The following WASF1 variants were observed in gnomAD, a reference collection of about 807,000 sequenced individuals.
WASF1 encodes WASP family member 1, also known as actin-binding protein WASF1.
Under a neutral mutation model 50.5 loss-of-function variants are expected in WASF1, and 7 were observed. The observed-to-expected ratio is 0.14, with a 90% CI of 0.08 to 0.26. The LOEUF (loss-of-function observed/expected upper bound fraction) is 0.26. Among genes scored for constraint, WASF1 ranks in the 10% least tolerant of loss-of-function variants. WASF1 has a pLI of 1.00. For missense variants in WASF1, 470 were observed against 694.7 expected (o/e 0.68, Z 3.64); for synonymous variants, 205 against 244.0 (o/e 0.84, Z 1.49).
chr6:110,112,904 A>C (rs901331437), intron 5 of WASF1, among the ~76,000 whole-genome samples: 6 of 129,022 alleles, frequency 4.7e-5, no homozygotes, highest in Admixed American at 7.2e-5. Flanking sequence ...CAAAAAAAAA[A>C]AAAAACAAAA....
chr6:110,108,666 A>C lies in WASF1; in HGVS notation c.284T>G (p.Ile95Arg). ...PKEEELSLQD[I>R]TMRKAFRSST... ...ACTTCGGAAAGCTTTCCTCATTGTT[A>C]TATCTTGCAAAGACACTAAAACAAA... Residue 95 changes from isoleucine (I) to arginine (R), a missense_variant, in exon 6 of 11, where the codon ATA (isoleucine) becomes AGA (arginine). By Grantham distance (97) the Ile-to-Arg change is moderately conservative. Transcript: ENST00000392589. 1 of 1,613,342 alleles carries C rather than the reference A, an allele frequency of 6.2e-7. No homozygotes were observed. The highest frequency in any genetic ancestry group is 2.2e-5 in the East Asian group (1 of 44,826).
chr6:110,127,764 G>A (rs1774480440), intron 3 of WASF1, 135 bp from the exon 4 acceptor site: 1 of 777,378 alleles, frequency 1.3e-6, no homozygotes, highest in Non-Finnish European at 1.8e-6. Context: ...CCACTTACTG[G>A]TGGATTTTCT....
At chr6:110,100,906 A>G (rs546787419) in intron 10 of WASF1, among the ~76,000 whole-genome samples, 1 of 152,290 alleles carries the variant, frequency 6.6e-6, no homozygotes, top group South Asian at 2.1e-4. Flanking sequence ...TCTACAGTTT[A>G]TTTATCCATC....
At chr6:110,104,342 T>C (rs745749884) in intron 8 of WASF1, among the ~76,000 whole-genome samples, 1 of 152,260 alleles carries the variant, frequency 6.6e-6, no homozygotes, top group African/African-American at 2.4e-5. Flanking sequence ...AGTTTATTAA[T>C]TTTTTAATGT....
chr6:110,106,345 T>C (rs1033013607), intron 7 of WASF1, among the ~76,000 whole-genome samples: 26 of 152,182 alleles, frequency 1.7e-4, no homozygotes, highest in African/African-American at 5.6e-4. Context: ...TTTGCAAATG[T>C]TAGCTAGAAC....
chr6:110,115,040 C>T (rs906246216), intron 4 of WASF1, among the ~76,000 whole-genome samples: 26 of 150,294 alleles, frequency 1.7e-4, no homozygotes, highest in Admixed American at 8.7e-4. Context: ...TATTGTGAGT[C>T]GTGATCATGC....
rs374344193 is a variant in WASF1, at chr6:110,100,684, T to C, written c.1523-5A>G. 16 of 1,606,412 alleles carry C rather than the reference T, an allele frequency of 1.0e-5. No individual in the cohort carries two copies. In the African/African-American group the frequency reaches 1.5e-4, roughly 15 times the overall value. ...CTACTTTGCGTAGCTGAATACCTGA[T>C]ACAGTGAATCCAAACCATTCATTTA... On this transcript the variant is annotated splice_region_variant and splice_polypyrimidine_tract_variant and intron_variant, in intron 10 of 10. Transcript: ENST00000392589.
chr6:110,114,229 T>C (rs1583935370), intron 4 of WASF1, among the ~76,000 whole-genome samples: 1 of 152,194 alleles, frequency 6.6e-6, no homozygotes. Flanking sequence ...TGCAATACTG[T>C]AAACCTTGAA....
chr6:110,124,225 T>TC lies in WASF1; in HGVS notation c.133+3243dup, dbSNP rs529269190. Among the ~76,000 whole-genome samples, 10 of 49,796 alleles carry TC rather than the reference T, an allele frequency of 2.0e-4. 1 individual carries two copies. The highest frequency in any genetic ancestry group is 1.1e-3 in the African/African-American group (8 of 7,192). The allele number at this position is 49,796 out of a possible 152,430, so 32.7% of individuals were successfully genotyped here. On this transcript the variant is annotated intron_variant, in intron 4 of 10. Coordinates refer to ENST00000392589, the MANE Select transcript of WASF1 (RefSeq NM_003931.3). ...TCTCTCTCTCTCTCTCTCCTCTCTC[T>TC]CCTCTCTCTCCTCTCTCTCTCTCTC...
chr6:110,172,917 T>C (rs761765149), intron 2 of WASF1, among the ~76,000 whole-genome samples: 1 of 152,110 alleles, frequency 6.6e-6, no homozygotes, highest in Non-Finnish European at 1.5e-5. Context: ...TCTAAATCTA[T>C]AAAAATAATT....
intron 3 of WASF1, among the ~76,000 whole-genome samples, chr6:110,137,288 A>C (rs1351966635): frequency 6.6e-6 from 1 of 152,210 alleles, no homozygotes; most frequent in African/African-American, 2.4e-5. Context: ...CAATTCTGCC[A>C]TACCACTGCA....
At chr6:110,112,571 A>G (rs1773605609) in intron 5 of WASF1, among the ~76,000 whole-genome samples, 2 of 152,204 alleles carry the variant, frequency 1.3e-5, no homozygotes, top group Admixed American at 6.5e-5. Flanking sequence ...AATAACTAAT[A>G]AGACTTTAGC....
chr6:110,116,766 C>A (rs1773832064), intron 4 of WASF1, among the ~76,000 whole-genome samples: 1 of 152,096 alleles, frequency 6.6e-6, no homozygotes, highest in Non-Finnish European at 1.5e-5. Flanking sequence ...GGGAACACCT[C>A]CCAGTAGGGG....
At chr6:110,132,716 T>C (rs1474681792) in intron 3 of WASF1, among the ~76,000 whole-genome samples, 1 of 151,816 alleles carries the variant, frequency 6.6e-6, no homozygotes, top group Non-Finnish European at 1.5e-5. Flanking sequence ...GTCCCCAAAG[T>C]CCATTGTATC....
At chr6:110,127,117 C>T (rs1008160764) in intron 4 of WASF1, among the ~76,000 whole-genome samples, 5 of 152,036 alleles carry the variant, frequency 3.3e-5, no homozygotes, top group Non-Finnish European at 4.4e-5. Flanking sequence ...TGTTTGAAAA[C>T]ACAAATAGTT....
chr6:110,103,458 T>C lies in WASF1; in HGVS notation c.813A>G (p.Val271=), dbSNP rs1043953334. The change falls in exon 9 of 11, where the codon GTA becomes GTG. Residue 271 remains valine (V), a synonymous_variant. Coordinates refer to ENST00000392589, the MANE Select transcript of WASF1 (RefSeq NM_003931.3). Reference sequence around the variant, plus strand: ...GAGGTGGTTCATGTGGTCTGACTAATACCCTTTCCTCAGCTCTAGTCAGAA... The same window carrying C: ...GAGGTGGTTCATGTGGTCTGACTAACACCCTTTCCTCAGCTCTAGTCAGAA... ...SELLTRAEER[V]LVRPHEPPPP... 1.8e-5 allele frequency: 29 copies of C among 1,613,900 alleles called. No homozygotes were observed. The highest frequency in any genetic ancestry group is 1.5e-4 in the African/African-American group (11 of 74,894).
intron 3 of WASF1, among the ~76,000 whole-genome samples, chr6:110,143,536 T>C (rs972484520): frequency 2.0e-5 from 3 of 152,120 alleles, no homozygotes; most frequent in African/African-American, 7.2e-5. Context: ...ATCTAAATTC[T>C]GATTTCAGAA....
intron 3 of WASF1, among the ~76,000 whole-genome samples, chr6:110,135,978 G>A (rs1366413290): frequency 6.7e-6 from 1 of 149,542 alleles, no homozygotes; most frequent in Non-Finnish European, 1.5e-5. Context: ...CCGCCTCCCG[G>A]GTTCATGCCA....
intron 3 of WASF1, among the ~76,000 whole-genome samples, chr6:110,144,180 C>T (rs12662013): frequency 0.2 from 31,014 of 152,014 alleles, 4,364 homozygotes; most frequent in African/African-American, 0.4. Context: ...TGGTATCTCA[C>T]TGTGGTTTTG....
Sources: allele counts gnomAD v4.1 joint callset (sites outside exome capture counted in the v4.1 genomes callset), GRCh38; gene constraint gnomAD v4.1.1; transcripts MANE v1.5; gene names NCBI Gene and HGNC (gene_info 2026-07-23, HGNC 2026-07-21).